Variants in DNAH11 observed in about 807,000 individuals in gnomAD.
The protein encoded by DNAH11 is dynein axonemal heavy chain 11.
A neutral mutation model predicts 526.0 loss-of-function variants in DNAH11; 442 were observed. The ratio of observed to expected loss-of-function variants is 0.84; its 90% CI spans 0.78 to 0.91. The LOEUF is 0.91. Among genes scored for constraint, DNAH11 ranks in the 40% least tolerant of loss-of-function variants. DNAH11 has a pLI of 0.00. For missense variants in DNAH11, 6,989 were observed against 5,448.7 expected, an observed-to-expected ratio of 1.28 and a Z score of -8.90; for synonymous variants, 2,461 against 1,935.9, an observed-to-expected ratio of 1.27 and a Z score of -7.12.
intron 55 of DNAH11, among the ~76,000 whole-genome samples, chr7:21,772,509 T>A (rs1406553313): frequency 1.3e-5 from 2 of 152,184 alleles, no homozygotes; most frequent in East Asian, 3.8e-4. Flanking sequence ...GTCAAGCTCT[T>A]GTAAAAATAA....
At chr7:21,804,146 T>A (rs1262930072) in intron 62 of DNAH11, among the ~76,000 whole-genome samples, 2 of 152,112 alleles carry the variant, frequency 1.3e-5, no homozygotes, top group African/African-American at 4.8e-5. Flanking sequence ...TCTTGCTCTG[T>A]TGCCCAGGCT....
intron 35 of DNAH11, among the ~76,000 whole-genome samples, chr7:21,692,432 C>T (rs942345329): frequency 5.3e-5 from 8 of 152,112 alleles, no homozygotes; most frequent in African/African-American, 1.7e-4. Context: ...ACAATATGTA[C>T]GTTTTTGTGT....
chr7:21,552,100 C>G (rs559718002), intron 2 of DNAH11, among the ~76,000 whole-genome samples: 2 of 152,064 alleles, frequency 1.3e-5, no homozygotes, highest in Non-Finnish European at 2.9e-5. Flanking sequence ...CAACAGGTTC[C>G]CTCTTCCCTC....
chr7:21,808,148 A>G, intron 63 of DNAH11, 99 bp downstream of exon 63: 2 of 949,196 alleles, frequency 2.1e-6, no homozygotes, highest in Non-Finnish European at 2.8e-6. Context: ...GACGTCTGTA[A>G]TGAGAACTGA....
chr7:21,855,320 C>T (rs575238923), intron 68 of DNAH11, among the ~76,000 whole-genome samples: 36 of 152,242 alleles, frequency 2.4e-4, no homozygotes, highest in African/African-American at 7.5e-4. Flanking sequence ...CGTGAGCCAC[C>T]GCACCTGGCC....
At chr7:21,701,098 AAAC>A (rs370170241) in intron 36 of DNAH11, among the ~76,000 whole-genome samples, 3,176 of 151,888 alleles carry the variant, frequency 0.021, 113 homozygotes, top group African/African-American at 0.07. Context: ...CCCGAAACTT[AAAC>A]AACAACAACA....
chr7:21,854,046 T>C (rs1356887781), intron 67 of DNAH11, among the ~76,000 whole-genome samples: 4 of 152,164 alleles, frequency 2.6e-5, no homozygotes, highest in African/African-American at 9.7e-5. Context: ...TCAAATTCTG[T>C]AGAACAGAAA....
chr7:21,784,201 G>A (rs1361368940), intron 57 of DNAH11, among the ~76,000 whole-genome samples: 1 of 152,176 alleles, frequency 6.6e-6, no homozygotes, highest in East Asian at 1.9e-4. Context: ...TTTGGAACTT[G>A]AATCCATTTA....
rs1291134980 is a variant in DNAH11, at chr7:21,554,197, G to C, written c.496-4605G>C. On this transcript the variant is annotated intron_variant, in intron 2 of 81. Transcript: ENST00000409508. ...TTTTTTTTTTTTTTTTTTTTTAGGG[G>C]AAGTCTCACTCTGTTGCGCAAGCTG... Among the ~76,000 whole-genome samples, 3 of 143,282 alleles carry C rather than the reference G, an allele frequency of 2.1e-5. No homozygotes were observed. In the East Asian group the frequency reaches 6.2e-4, roughly 29 times the overall value. The allele number at this position is 143,282 out of a possible 152,430, so 94.0% of individuals were successfully genotyped here.
intron 5 of DNAH11, among the ~76,000 whole-genome samples, chr7:21,562,770 CATG>C (rs1322200561): frequency 6.6e-6 from 1 of 152,000 alleles, no homozygotes; most frequent in African/African-American, 2.4e-5. Context: ...AATTTTGAAA[CATG>C]AGTACATCTG....
At chr7:21,588,784 TC>T in intron 11 of DNAH11, 148 bp downstream of exon 11, 1 of 874,206 alleles carries the variant, frequency 1.1e-6, no homozygotes, top group Non-Finnish European at 1.7e-6. Context: ...AGGGATTCAT[TC>T]CCATGGTTTT....
At chr7:21,700,903 G>T (rs117969156) in intron 36 of DNAH11, among the ~76,000 whole-genome samples, 9,935 of 152,132 alleles carry the variant, frequency 0.065, 442 homozygotes, top group East Asian at 0.2. Flanking sequence ...AGTAGGAGTT[G>T]AACAGTGAGA....
At position 21,589,384 on chromosome 7, in the gene DNAH11, G is replaced by A. The variant is rs749518918; in HGVS notation, c.2150G>A (p.Cys717Tyr). ...TTCAGTGCCATAAATGGTCTTCTCT[G>A]TGTCAATTTTGACCCAAAGGTAGGG... ...VKFSAINGLL[C>Y]VNFDPKLVAV... Residue 717 changes from cysteine to tyrosine, a missense_variant, in exon 12 of 82, where the codon TGT (cysteine) becomes TAT (tyrosine). Coordinates refer to ENST00000409508, the MANE Select transcript of DNAH11 (RefSeq NM_001277115.2). 5 of 1,601,888 alleles carry A rather than the reference G, an allele frequency of 3.1e-6. No individual in the cohort carries two copies. The highest frequency in any genetic ancestry group is 1.1e-5 in the South Asian group (1 of 88,202).
intron 48 of DNAH11, among the ~76,000 whole-genome samples, chr7:21,741,367 T>C (rs951046408): frequency 1.3e-5 from 2 of 152,254 alleles, no homozygotes. Context: ...GACACCTTGG[T>C]TGCTTTCACT....
intron 2 of DNAH11, among the ~76,000 whole-genome samples, chr7:21,556,762 A>G (rs1345080360): frequency 1.3e-5 from 2 of 152,172 alleles, no homozygotes; most frequent in South Asian, 4.1e-4. Context: ...AGTTATTAAT[A>G]TAAGTGAGAA....
intron 66 of DNAH11, among the ~76,000 whole-genome samples, chr7:21,844,495 A>C (rs965103199): frequency 6.6e-6 from 1 of 152,182 alleles, no homozygotes; most frequent in African/African-American, 2.4e-5. Flanking sequence ...CTGCTTTTGC[A>C]CTATAATGGC....
intron 35 of DNAH11, among the ~76,000 whole-genome samples, chr7:21,692,812 T>G (rs528748315): frequency 2.2e-4 from 34 of 152,352 alleles, no homozygotes; most frequent in African/African-American, 7.9e-4. Flanking sequence ...TTCTAGTTGC[T>G]CACATTCTTG....
Position 21,617,647 on chromosome 7 carries a change from G to A in DNAH11, c.4124G>A (p.Arg1375His), listed in dbSNP as rs151018293. 6.4e-4 allele frequency: 1,035 copies of A among 1,613,826 alleles called. 9 individuals are homozygous for A. In the African/African-American group the frequency reaches 0.011, roughly 17 times the overall value. ...ATTTGGTCACTCAACAAGGAAGTCC[G>A]CGTCTGGGATGCTTACACGGGCCTG... is the stretch of plus-strand genomic sequence containing the variant. The part of the protein sequence containing the change: ...KEIWSLNKEV[R>H]VWDAYTGLEG... Residue 1375 changes from arginine (R) to histidine (H), a missense_variant, in exon 23 of 82, where the codon CGC becomes CAC. Coordinates refer to ENST00000409508, the MANE Select transcript of DNAH11 (RefSeq NM_001277115.2).
intron 75 of DNAH11, among the ~76,000 whole-genome samples, chr7:21,882,452 T>C (rs1783957390): frequency 6.6e-6 from 1 of 152,166 alleles, no homozygotes; most frequent in South Asian, 2.1e-4. Flanking sequence ...AGAAAGTATA[T>C]GTAAAAAACA....
Sources: allele counts gnomAD v4.1 joint callset (sites outside exome capture counted in the v4.1 genomes callset), GRCh38; gene constraint gnomAD v4.1.1; transcripts MANE v1.5; gene names NCBI Gene and HGNC (gene_info 2026-07-23, HGNC 2026-07-21).